Variants in ACAD11 observed in about 807,000 individuals in gnomAD.
ACAD11 encodes the protein acyl-CoA dehydrogenase family member 11.
In ACAD11, 83 loss-of-function variants were observed where a neutral mutation model predicts 102.2. The ratio of observed to expected loss-of-function variants is 0.81; its 90% CI spans 0.68 to 0.97. The LOEUF (loss-of-function observed/expected upper bound fraction) is 0.97. Among genes scored for constraint, ACAD11 ranks in the 50% least tolerant of loss-of-function variants. The probability of loss-of-function intolerance (pLI) is 0.00; values close to 1 mark genes in which losing one functional copy is unlikely to be tolerated. For synonymous variants in ACAD11, 324 were observed against 319.8 expected (o/e 1.01, Z -0.14); for missense variants, 901 against 951.7 (o/e 0.95, Z 0.70).
intron 7 of ACAD11, among the ~76,000 whole-genome samples, chr3:132,629,492 A>T (rs1939952010): frequency 6.6e-6 from 1 of 152,196 alleles, no homozygotes; most frequent in Non-Finnish European, 1.5e-5. Flanking sequence ...ATCATAATCC[A>T]TGTCAAACTT....
intron 4 of ACAD11, among the ~76,000 whole-genome samples, chr3:132,641,644 A>G (rs990385621): frequency 2.7e-4 from 39 of 146,852 alleles, no homozygotes; most frequent in African/African-American, 7.1e-4. Flanking sequence ...AAGAAGAGGA[A>G]GAAGAGGAGG....
At position 132,659,584 on chromosome 3, in the gene ACAD11, C is replaced by T; in HGVS notation, c.149+19G>A. 6.2e-7 allele frequency: 1 copy of T among 1,607,482 alleles called. No homozygotes were observed. The highest frequency in any genetic ancestry group is 8.5e-7 in the Non-Finnish European group (1 of 1,177,320). On this transcript the variant is annotated intron_variant, in intron 1 of 19. Transcript: ENST00000264990. ...TGTACAAATTTTTTTCCGCTGGAGG[C>T]AAAGGCTGACATCCATACCTGTACT...
At chr3:132,622,015 A>G (rs1011321248) in intron 9 of ACAD11, among the ~76,000 whole-genome samples, 3 of 151,778 alleles carry the variant, frequency 2.0e-5, no homozygotes, top group Non-Finnish European at 4.4e-5. Context: ...AAACAATAAC[A>G]ATCACTAATT....
At chr3:132,643,610 A>AG (rs1390249768) in intron 2 of ACAD11, among the ~76,000 whole-genome samples, 1 of 152,122 alleles carries the variant, frequency 6.6e-6, no homozygotes, top group Non-Finnish European at 1.5e-5. Context: ...GAAGTAAAGC[A>AG]GGGGCTGTGG....
chr3:132,634,275 C>G (rs1249506108), intron 5 of ACAD11, among the ~76,000 whole-genome samples: 1 of 152,166 alleles, frequency 6.6e-6, no homozygotes, highest in Non-Finnish European at 1.5e-5. Context: ...CAAAAGAAGA[C>G]ATTTATGCAG....
Position 132,626,681 on chromosome 3 carries a change from T to C in ACAD11, c.1197+10A>G. 6.2e-7 allele frequency: 1 copy of C among 1,613,144 alleles called. No homozygotes were observed. The highest frequency in any genetic ancestry group is 8.5e-7 in the Non-Finnish European group (1 of 1,179,832). ...TTAGCAGAAATACATTCTGCTTATA[T>C]AATACTCACCTTTTCAGCTGGAAGA... On this transcript the variant is annotated intron_variant, in intron 9 of 19. Transcript: ENST00000264990.
intron 6 of ACAD11, among the ~76,000 whole-genome samples, chr3:132,630,805 G>C (rs374540725): frequency 6.6e-6 from 1 of 152,192 alleles, no homozygotes; most frequent in Non-Finnish European, 1.5e-5. Context: ...GGCCAGTCAC[G>C]ATGGCTCATG....
intron 17 of ACAD11, among the ~76,000 whole-genome samples, chr3:132,569,416 C>A (rs1559932459): frequency 6.6e-6 from 1 of 151,504 alleles, no homozygotes; most frequent in African/African-American, 2.4e-5. Context: ...CAGCAGTTTC[C>A]AAAAAAAACT....
chr3:132,626,906 G>T, intron 8 of ACAD11, 89 bp from the exon 9 acceptor site: 1 of 1,341,200 alleles, frequency 7.5e-7, no homozygotes, highest in Non-Finnish European at 9.9e-7. Flanking sequence ...AGTTTCCTCA[G>T]CTACCCAAAA....
At chr3:132,655,984 A>G (rs1937771157) in intron 1 of ACAD11, among the ~76,000 whole-genome samples, 1 of 152,234 alleles carries the variant, frequency 6.6e-6, no homozygotes, top group Non-Finnish European at 1.5e-5. Context: ...GTAATGCCAC[A>G]AACACCATTT....
At chr3:132,634,241 T>C (rs2107871483) in intron 5 of ACAD11, among the ~76,000 whole-genome samples, 1 of 152,110 alleles carries the variant, frequency 6.6e-6, no homozygotes, top group East Asian at 1.9e-4. Flanking sequence ...AACAAGTGGG[T>C]GAACGATATG....
intron 13 of ACAD11, among the ~76,000 whole-genome samples, chr3:132,581,449 C>T (rs12487584): frequency 0.38 from 57,292 of 151,702 alleles, 13,635 homozygotes; most frequent in East Asian, 0.7. Flanking sequence ...CTGAAAATCC[C>T]AGAATAATTG....
chr3:132,637,107 T>C lies in ACAD11; in HGVS notation c.702+2385A>G, dbSNP rs1451148100. 3.9e-5 allele frequency among the ~76,000 whole-genome samples: 6 copies of C among 152,008 alleles called. No homozygotes were observed. In the East Asian group the frequency reaches 1.2e-3, roughly 29 times the overall value. On this transcript the variant is annotated intron_variant, in intron 5 of 19. Coordinates refer to ENST00000264990, the MANE Select transcript of ACAD11 (RefSeq NM_032169.5). ...TTATTCTGCAGCAAAAATATGAGGA[T>C]TCAAGTTTAGGGCTAGAAACTGGTT...
intron 11 of ACAD11, among the ~76,000 whole-genome samples, chr3:132,614,316 A>G (rs985319520): frequency 6.6e-6 from 1 of 152,210 alleles, no homozygotes; most frequent in East Asian, 1.9e-4. Flanking sequence ...AGAATTAGAA[A>G]AAAAGTACTT....
chr3:132,639,177 T>C (rs933987368), intron 5 of ACAD11, among the ~76,000 whole-genome samples: 1 of 152,178 alleles, frequency 6.6e-6, no homozygotes, highest in Non-Finnish European at 1.5e-5. Context: ...AGAACATGGA[T>C]AAGCTAAATA....
chr3:132,621,101 T>C (rs1939591567), intron 9 of ACAD11: 1 of 152,078 alleles, frequency 6.6e-6, no homozygotes, highest in Non-Finnish European at 1.5e-5. Context: ...ACATAAAGAA[T>C]AAAGAGAGAG....
intron 11 of ACAD11, among the ~76,000 whole-genome samples, chr3:132,616,272 T>G (rs1439271105): frequency 6.6e-6 from 1 of 152,232 alleles, no homozygotes; most frequent in Non-Finnish European, 1.5e-5. Flanking sequence ...GTACAGCTGA[T>G]GGACTCATGA....
intron 17 of ACAD11, among the ~76,000 whole-genome samples, chr3:132,566,055 T>C (rs1316611130): frequency 6.6e-6 from 1 of 152,104 alleles, no homozygotes; most frequent in Non-Finnish European, 1.5e-5. Flanking sequence ...TAAAAATGCT[T>C]CAGTGAGCAG....
At chr3:132,605,039 A>C (rs1429431883) in intron 12 of ACAD11, 59 bp downstream of exon 12, 2 of 1,317,114 alleles carry the variant, frequency 1.5e-6, no homozygotes, top group African/African-American at 1.4e-5. Flanking sequence ...TCTTCAGCTC[A>C]TCCATAATAA....
Sources: allele counts gnomAD v4.1 joint callset (sites outside exome capture counted in the v4.1 genomes callset), GRCh38; gene constraint gnomAD v4.1.1; transcripts MANE v1.5; gene names NCBI Gene and HGNC (gene_info 2026-07-23, HGNC 2026-07-21).